The following CELF6 variants were observed in gnomAD, a reference collection of about 807,000 sequenced individuals.
CELF6 encodes Bruno -like 6, RNA binding protein.
In CELF6, 32 loss-of-function variants were observed where a neutral mutation model predicts 53.1. That is an observed-to-expected ratio of 0.60 (90% CI 0.46 to 0.81). The LOEUF is 0.81. Among genes scored for constraint, CELF6 ranks in the 30% least tolerant of loss-of-function variants. The probability of loss-of-function intolerance (pLI) is 0.00; values close to 1 mark genes in which losing one functional copy is unlikely to be tolerated. For missense variants in CELF6, 539 were observed against 669.5 expected (o/e 0.81, Z 2.15); for synonymous variants, 291 against 288.8 (o/e 1.01, Z -0.08).
chr15:72,289,762 C>T lies in CELF6; in HGVS notation c.612G>A (p.Ser204=), dbSNP rs1445454599. 1 of 1,454,522 alleles carries T rather than the reference C, an allele frequency of 6.9e-7. No individual in the cohort carries two copies. The highest frequency in any genetic ancestry group is 2.6e-5 in the Admixed American group (1 of 37,858). The allele number at this position is 1,454,522 out of a possible 1,614,324, so 90.1% of individuals were successfully genotyped here. The part of the protein sequence containing the change: ...LHGSRTMAGA[S]SSLVVKLADT... The stretch of plus-strand genomic sequence containing the variant: ...CCGCCAGCTTGACCACGAGGCTGGA[C>T]GAGGCGCCCTGGGCAGGGCAGGGGA... Residue 204 remains serine (S), a synonymous_variant, in exon 6 of 13, where the codon TCG becomes TCA. Transcript: ENST00000287202. This position sits in a 1 kb window ranked among gnomAD's most constrained non-coding sequence, Gnocchi z 7.6.
At chr15:72,307,486 A>C (rs1012927451) in intron 2 of CELF6, among the ~76,000 whole-genome samples, 1 of 152,212 alleles carries the variant, frequency 6.6e-6, no homozygotes, top group Non-Finnish European at 1.5e-5. Context: ...ACTCTGTGCC[A>C]GGCCCTTCCT....
At position 72,289,003 on chromosome 15, in the gene CELF6, T is replaced by A. The variant is rs1159397106; in HGVS notation, c.1031-73A>T. ...CAGAGTGGGTGAGAAGCTCAGGGAGTGTGGGAGGTGGACGGCGGCTGTGAG... is the reference window on the plus strand; with the variant it reads ...CAGAGTGGGTGAGAAGCTCAGGGAGAGTGGGAGGTGGACGGCGGCTGTGAG... On this transcript the variant is annotated intron_variant, in intron 8 of 12. Coordinates refer to ENST00000287202, the MANE Select transcript of CELF6 (RefSeq NM_052840.5). This position sits in a 1 kb window ranked among gnomAD's most constrained non-coding sequence, Gnocchi z 7.6. The A allele has an allele frequency of 5.0e-6, 7 of 1,403,616 alleles. No homozygotes were observed. The highest frequency in any genetic ancestry group is 6.8e-6 in the Non-Finnish European group (7 of 1,025,646). 86.9% of individuals were successfully genotyped at this position (1,403,616 alleles called of 1,614,324 possible). A position where few individuals can be genotyped will look rare whatever the true frequency, so the allele number is the denominator to read the frequency against.
intron 2 of CELF6, chr15:72,306,248 G>A: frequency 1.0e-6 from 1 of 985,202 alleles, no homozygotes; most frequent in Non-Finnish European, 1.2e-6. Flanking sequence ...TATTGTTGGG[G>A]GGCAGGCAGC....
intron 2 of CELF6, among the ~76,000 whole-genome samples, chr15:72,309,146 C>T (rs1005061595): frequency 6.6e-6 from 1 of 152,180 alleles, no homozygotes; most frequent in African/African-American, 2.4e-5. Context: ...CTTCTGGGCT[C>T]AAGCGATCCT....
At position 72,319,722 on chromosome 15, in the gene CELF6, C is replaced by A; in HGVS notation, c.153G>T (p.Gly51=). The A allele has an allele frequency of 6.2e-7, 1 of 1,600,568 alleles. No individual in the cohort carries two copies. Among genetic ancestry groups the A allele is most frequent in the South Asian group, 1.1e-5 (1 of 88,896 alleles). The change falls in exon 1 of 13, where the codon GGG becomes GGT. Residue 51 remains glycine (G), a synonymous_variant. Transcript: ENST00000287202. This position sits in a 1 kb window ranked among gnomAD's most constrained non-coding sequence, Gnocchi z 5.0. ...GCTCGTCCAAGCCCCGCGGGATCTG[C>A]CCCACGAAGAGCTTGATGGCGTCGT... The part of the protein sequence containing the change: ...KDHDAIKLFV[G]QIPRGLDEQD...
In CELF6 at chr15:72,288,238, A is replaced by G. The variant is rs2087946913; in HGVS notation, c.1318+70T>C. The G allele has an allele frequency of 1.3e-6, 2 of 1,506,790 alleles. No homozygotes were observed. The highest frequency in any genetic ancestry group is 1.7e-4 in the Middle Eastern group (1 of 5,840). 93.3% of individuals were successfully genotyped at this position (1,506,790 alleles called of 1,614,324 possible). A position where few individuals can be genotyped will look rare whatever the true frequency, so the allele number is the denominator to read the frequency against. On this transcript the variant is annotated intron_variant, in intron 11 of 12. Transcript: ENST00000287202. This position sits in a 1 kb window ranked among gnomAD's most constrained non-coding sequence, Gnocchi z 4.6. ...GAAATCACTGCATTATGGAAGGGCAATCGTAGGGTCTGTAGGAAATCCTTT... is the reference window on the plus strand; with the variant it reads ...GAAATCACTGCATTATGGAAGGGCAGTCGTAGGGTCTGTAGGAAATCCTTT...
chr15:72,300,360 C>CT (rs2088136246), intron 3 of CELF6, among the ~76,000 whole-genome samples: 3 of 130,932 alleles, frequency 2.3e-5, no homozygotes. Flanking sequence ...AACACTGTCT[C>CT]TAAAAAAAAA....
At chr15:72,303,068 T>TCAG (rs1338837406) in intron 3 of CELF6, among the ~76,000 whole-genome samples, 1 of 152,222 alleles carries the variant, frequency 6.6e-6, no homozygotes, top group Non-Finnish European at 1.5e-5. Flanking sequence ...AGTAAGTTGC[T>TCAG]CAGAAGATGT....
Position 72,319,612 on chromosome 15 carries a change from C to G in CELF6, c.262+1G>C. On this transcript the variant is annotated splice_donor_variant, in intron 1 of 12. Transcript: ENST00000287202. LOFTEE classifies it high-confidence loss of function. This position sits in a 1 kb window ranked among gnomAD's most constrained non-coding sequence, Gnocchi z 5.0. ...GGCTGGGCTGGGCTGACCCCGCGCA[C>G]CTTTGTGGAGGCCGGTGAGCCGGTC... The G allele has an allele frequency of 6.4e-7, 1 of 1,550,916 alleles. No homozygotes were observed. The highest frequency in any genetic ancestry group is 8.7e-7 in the Non-Finnish European group (1 of 1,146,186).
chr15:72,287,788 T>G (rs2087941766), intron 11 of CELF6, among the ~76,000 whole-genome samples: 1 of 151,936 alleles, frequency 6.6e-6, no homozygotes, highest in Non-Finnish European at 1.5e-5. Context: ...GCTGGCCACA[T>G]TCCTGGTGGA....
intron 2 of CELF6, among the ~76,000 whole-genome samples, chr15:72,312,812 A>G (rs1421676049): frequency 3.9e-5 from 6 of 152,162 alleles, no homozygotes; most frequent in Admixed American, 2.0e-4. Context: ...TCAGGACCCA[A>G]TGGCAGCAGA....
chr15:72,303,307 G>A (rs2088181587), intron 3 of CELF6, among the ~76,000 whole-genome samples: 1 of 152,210 alleles, frequency 6.6e-6, no homozygotes, highest in Non-Finnish European at 1.5e-5. Flanking sequence ...GAATAAAAAG[G>A]GAAAGGAGAA....
At position 72,290,206 on chromosome 15, in the gene CELF6, C is replaced by G; in HGVS notation, c.444G>C (p.Glu148Asp). 1 of 1,613,902 alleles carries G rather than the reference C, an allele frequency of 6.2e-7. No individual in the cohort carries two copies. The highest frequency in any genetic ancestry group is 8.5e-7 in the Non-Finnish European group (1 of 1,179,940). ...VGMLGKQQGEEDVRRLFQPFG... is the reference protein window; with the variant it reads ...VGMLGKQQGEDDVRRLFQPFG... ...AGGGCTGGAACAGGCGTCTGACGTC[C>G]TCCTCACCCTGCTGCTTGCCCAGCA... The change falls in exon 4 of 13, where the codon GAG becomes GAC. Residue 148 changes from glutamate (E) to aspartate (D), a missense_variant. By Grantham distance (45) the Glu-to-Asp change is conservative. Transcript: ENST00000287202.
chr15:72,292,236 G>T, intron 3 of CELF6: 1 of 1,535,510 alleles, frequency 6.5e-7, no homozygotes, highest in Non-Finnish European at 8.7e-7. Context: ...GTTGTTTGAG[G>T]GGGGATCTGA....
rs1433488903 is a variant in CELF6, at chr15:72,288,134, G to C, written c.1318+174C>G. Among the ~76,000 whole-genome samples, 2 of 152,168 alleles carry C rather than the reference G, an allele frequency of 1.3e-5. No individual in the cohort carries two copies. Among genetic ancestry groups the C allele is most frequent in the Admixed American group, 6.5e-5 (1 of 15,280 alleles). ...ATTACAGGCGTGAGCCACCATGCCC[G>C]GCCAAGGCTTGTTGTTGGCCTAAAC... On this transcript the variant is annotated intron_variant, in intron 11 of 12. Coordinates refer to ENST00000287202, the MANE Select transcript of CELF6 (RefSeq NM_052840.5). The surrounding 1 kb of genome is among the most constrained non-coding windows in gnomAD (Gnocchi z 4.6).
At chr15:72,293,130 G>A (rs1333210971) in intron 3 of CELF6, among the ~76,000 whole-genome samples, 1 of 152,184 alleles carries the variant, frequency 6.6e-6, no homozygotes, top group Admixed American at 6.5e-5. Flanking sequence ...ACCATGGGGT[G>A]GGCTCTAGGC....
At chr15:72,304,059 C>T (rs1163033275) in intron 3 of CELF6, among the ~76,000 whole-genome samples, 10 of 152,046 alleles carry the variant, frequency 6.6e-5, no homozygotes, top group African/African-American at 9.7e-5. Flanking sequence ...GTAGTAGAGA[C>T]GAGGTTTCAC....
chr15:72,292,435 AG>A (rs2088017850), intron 3 of CELF6, among the ~76,000 whole-genome samples: 1 of 152,228 alleles, frequency 6.6e-6, no homozygotes, highest in South Asian at 2.1e-4. Context: ...AGAAGAGTCT[AG>A]GGCCTCCATA....
In CELF6 at chr15:72,289,313, C is replaced by G; in HGVS notation, c.881-26G>C. Reference sequence around the variant, plus strand: ...CTGATGGCGGAAAAGGTCTGAGAGTCAGGCCGCCACCCCGCCCCGCCCGGC... The same window carrying G: ...CTGATGGCGGAAAAGGTCTGAGAGTGAGGCCGCCACCCCGCCCCGCCCGGC... On this transcript the variant is annotated intron_variant, in intron 7 of 12. Coordinates refer to ENST00000287202, the MANE Select transcript of CELF6 (RefSeq NM_052840.5). This position sits in a 1 kb window ranked among gnomAD's most constrained non-coding sequence, Gnocchi z 7.6. 6.5e-7 allele frequency: 1 copy of G among 1,543,536 alleles called. No homozygotes were observed. The highest frequency in any genetic ancestry group is 8.7e-7 in the Non-Finnish European group (1 of 1,151,954).
Sources: allele counts gnomAD v4.1 joint callset (sites outside exome capture counted in the v4.1 genomes callset), GRCh38; gene constraint gnomAD v4.1.1; non-coding constraint Gnocchi (gnomAD v3.1); transcripts MANE v1.5; gene names NCBI Gene and HGNC (gene_info 2026-07-23, HGNC 2026-07-21).